SYT9: variants seen among roughly 807,000 people sequenced by gnomAD.
SYT9 encodes the protein synaptotagmin-9.
Under a neutral mutation model 48.4 loss-of-function variants are expected in SYT9, and 22 were observed. The observed-to-expected ratio is 0.45, with a 90% CI of 0.32 to 0.65. The LOEUF is 0.65. Among genes scored for constraint, SYT9 ranks in the 30% least tolerant of loss-of-function variants. SYT9 has a pLI of 0.03. For missense variants in SYT9, 577 were observed against 622.0 expected (o/e 0.93, Z 0.77); for synonymous variants, 265 against 245.0 (o/e 1.08, Z -0.76).
chr11:7,365,756 C>T (rs530798943), intron 3 of SYT9, among the ~76,000 whole-genome samples: 1 of 152,194 alleles, frequency 6.6e-6, no homozygotes, highest in East Asian at 1.9e-4. Context: ...TTTCTAGTTG[C>T]TGTAGTTATT....
chr11:7,247,661 T>TGTATATATAC, upstream of SYT9, among the ~76,000 whole-genome samples: 3 of 136,278 alleles, frequency 2.2e-5, no homozygotes, highest in Non-Finnish European at 4.7e-5. Flanking sequence ...TATATACATA[T>TGTATATATAC]GTATATATAC....
intron 3 of SYT9, among the ~76,000 whole-genome samples, chr11:7,347,709 A>C (rs568841209): frequency 2.6e-5 from 4 of 152,314 alleles, no homozygotes; most frequent in African/African-American, 9.6e-5. Context: ...AGCCTTGGCC[A>C]GCAGCTTTTT....
At chr11:7,461,776 AAAC>A (rs1247343000) in intron 6 of SYT9, among the ~76,000 whole-genome samples, 1 of 152,260 alleles carries the variant, frequency 6.6e-6, no homozygotes, top group Non-Finnish European at 1.5e-5. Flanking sequence ...AACAGACTCC[AAAC>A]ATCCTCCACT....
At chr11:7,293,820 C>G (rs1564850597) in intron 1 of SYT9, among the ~76,000 whole-genome samples, 1 of 152,188 alleles carries the variant, frequency 6.6e-6, no homozygotes, top group Non-Finnish European at 1.5e-5. Flanking sequence ...GTGCAACTTG[C>G]ATGGCCATAG....
chr11:7,426,746 T>A (rs758454227), intron 6 of SYT9, among the ~76,000 whole-genome samples: 25 of 152,298 alleles, frequency 1.6e-4, no homozygotes, highest in Admixed American at 5.2e-4. Flanking sequence ...CTCTGCTTCC[T>A]CTACCTGTCT....
chr11:7,398,038 C>T (rs1289869257), intron 3 of SYT9, among the ~76,000 whole-genome samples: 2 of 152,140 alleles, frequency 1.3e-5, no homozygotes, highest in Admixed American at 1.3e-4. Context: ...AGACATCCTC[C>T]CAATGCTCCT....
chr11:7,343,650 C>G (rs749538703), intron 3 of SYT9, among the ~76,000 whole-genome samples: 16 of 152,206 alleles, frequency 1.1e-4, no homozygotes, highest in Admixed American at 3.9e-4. Context: ...GTTCCAACCT[C>G]TGCCCGTTAC....
At chr11:7,367,304 A>G (rs1181254107) in intron 3 of SYT9, among the ~76,000 whole-genome samples, 3 of 147,662 alleles carry the variant, frequency 2.0e-5, no homozygotes, top group Non-Finnish European at 4.5e-5. Flanking sequence ...CGTGGTCTCG[A>G]TCTCCTGACC....
intron 3 of SYT9, among the ~76,000 whole-genome samples, chr11:7,318,600 C>T (rs1849282369): frequency 1.3e-5 from 2 of 152,184 alleles, no homozygotes; most frequent in South Asian, 2.1e-4. Flanking sequence ...AGTCATGAGC[C>T]ACCGCGCCCA....
At chr11:7,299,228 T>TC (rs1159270890) in intron 1 of SYT9, among the ~76,000 whole-genome samples, 1 of 152,196 alleles carries the variant, frequency 6.6e-6, no homozygotes, top group African/African-American at 2.4e-5. Flanking sequence ...AAGCTGATGC[T>TC]CCCTCTCCAT....
chr11:7,416,368 C>T (rs7946653), intron 4 of SYT9, among the ~76,000 whole-genome samples: 60,440 of 152,052 alleles, frequency 0.4, 12,392 homozygotes, highest in Non-Finnish European at 0.45. Flanking sequence ...GTAATTATAG[C>T]GTCTGGCTCA....
At chr11:7,240,731 T>A (rs1847731873) in intron 1 of SYT9, among the ~76,000 whole-genome samples, 1 of 152,216 alleles carries the variant, frequency 6.6e-6, no homozygotes, top group East Asian at 1.9e-4. Context: ...TACTTTTGTT[T>A]TAATCAATGG....
At position 7,252,301 on chromosome 11, in the gene SYT9, G is replaced by A. The variant is rs764482819; in HGVS notation, c.115G>A (p.Asp39Asn). ...CCAGGATTTCATTTACCACCTGCGG[G>A]ACCGTGCCAGACCCCGGCTCCGCGA... ...SCQDFIYHLR[D>N]RARPRLRDPD... is the part of the protein sequence containing the mutation. Residue 39 changes from aspartate (D) to asparagine (N), a missense_variant, in exon 1 of 7, where the codon GAC (aspartate) becomes AAC (asparagine). Asp to Asn is a conservative substitution (Grantham distance 23, BLOSUM62 1). Transcript: ENST00000318881. This position sits in a 1 kb window ranked among gnomAD's most constrained non-coding sequence, Gnocchi z 6.3. 6.6e-6 allele frequency: 10 copies of A among 1,506,050 alleles called. No individual in the cohort carries two copies. In the South Asian group the frequency reaches 1.3e-4, roughly 19 times the overall value. The allele number at this position is 1,506,050 out of a possible 1,614,324, so 93.3% of individuals were successfully genotyped here.
chr11:7,268,138 G>A (rs1326293638), intron 1 of SYT9, among the ~76,000 whole-genome samples: 1 of 151,936 alleles, frequency 6.6e-6, no homozygotes, highest in East Asian at 1.9e-4. Context: ...TTATTTGTCG[G>A]AACCACAAAT....
At chr11:7,311,177 C>G (rs113404531) in intron 2 of SYT9, among the ~76,000 whole-genome samples, 8,137 of 152,146 alleles carry the variant, frequency 0.053, 542 homozygotes, top group African/African-American at 0.16. Context: ...TGGCGCATGC[C>G]TGTAATCCCA....
chr11:7,452,578 C>G (rs2134150071), intron 6 of SYT9, among the ~76,000 whole-genome samples: 1 of 152,332 alleles, frequency 6.6e-6, no homozygotes, highest in East Asian at 1.9e-4. Context: ...TAGGACAGCT[C>G]TGAACGTCCC....
chr11:7,407,230 A>AT (rs1167788659), intron 3 of SYT9, among the ~76,000 whole-genome samples: 1 of 151,530 alleles, frequency 6.6e-6, no homozygotes, highest in Non-Finnish European at 1.5e-5. Flanking sequence ...CCATTTGTTT[A>AT]TTTTTTGTTT....
intron 1 of SYT9, among the ~76,000 whole-genome samples, chr11:7,243,824 G>T (rs556111982): frequency 6.6e-6 from 1 of 152,108 alleles, no homozygotes. Context: ...AACCAATTTT[G>T]GATTTCATCA....
intron 1 of SYT9, among the ~76,000 whole-genome samples, chr11:7,286,884 C>T (rs1455940858): frequency 6.6e-6 from 1 of 152,194 alleles, no homozygotes; most frequent in Non-Finnish European, 1.5e-5. Context: ...TGGTCAAAAC[C>T]ATTCAACAAG....
Sources: allele counts gnomAD v4.1 joint callset (sites outside exome capture counted in the v4.1 genomes callset), GRCh38; gene constraint gnomAD v4.1.1; non-coding constraint Gnocchi (gnomAD v3.1); transcripts MANE v1.5; gene names NCBI Gene and HGNC (gene_info 2026-07-23, HGNC 2026-07-21).